Variants in SCMH1 observed in about 807,000 individuals in gnomAD.
SCMH1 encodes Scm polycomb group protein homolog 1.
Under a neutral mutation model 70.8 loss-of-function variants are expected in SCMH1, and 37 were observed. That is an observed-to-expected ratio of 0.52 (90% CI 0.40 to 0.69). SCMH1 has a LOEUF of 0.69. Ranked by LOEUF, SCMH1 falls within the 30% of genes least tolerant of loss-of-function variation. SCMH1 has a pLI of 0.00. For synonymous variants in SCMH1, 292 were observed against 307.4 expected (o/e 0.95, Z 0.52); for missense variants, 607 against 827.3 (o/e 0.73, Z 3.27).
chr1:41,131,939 A>G (rs1226525284), intron 6 of SCMH1, among the ~76,000 whole-genome samples: 1 of 152,042 alleles, frequency 6.6e-6, no homozygotes, highest in African/African-American at 2.4e-5. Context: ...TTCTTTATCC[A>G]GTCTATTATT....
chr1:41,204,582 C>G (rs1655074662), intron 1 of SCMH1, among the ~76,000 whole-genome samples: 1 of 152,192 alleles, frequency 6.6e-6, no homozygotes, highest in Non-Finnish European at 1.5e-5. Context: ...GGCCTTTACA[C>G]TCCCTGGAAT....
At chr1:41,206,562 T>G (rs1175684477) in intron 1 of SCMH1, among the ~76,000 whole-genome samples, 1 of 151,802 alleles carries the variant, frequency 6.6e-6, no homozygotes, top group East Asian at 1.9e-4. Context: ...GAATCTGCAT[T>G]TGACTGGTGT....
chr1:41,040,130 G>A (rs1248922662), intron 12 of SCMH1, among the ~76,000 whole-genome samples: 1 of 152,016 alleles, frequency 6.6e-6, no homozygotes, highest in Non-Finnish European at 1.5e-5. Context: ...ACTTCCTAGG[G>A]TCAATGTAAA....
chr1:41,183,088 G>A (rs1242748406), intron 2 of SCMH1, among the ~76,000 whole-genome samples: 2 of 152,118 alleles, frequency 1.3e-5, no homozygotes, highest in Admixed American at 1.3e-4. Flanking sequence ...CCCTATTCCA[G>A]TTAACATAAC....
At chr1:41,068,762 C>G (rs1219321791) in intron 10 of SCMH1, among the ~76,000 whole-genome samples, 1 of 151,950 alleles carries the variant, frequency 6.6e-6, no homozygotes, top group Non-Finnish European at 1.5e-5. Context: ...AAAATATATC[C>G]AAAGTGAAAT....
intron 11 of SCMH1, among the ~76,000 whole-genome samples, chr1:41,047,717 A>G (rs752329038): frequency 6.6e-6 from 1 of 152,104 alleles, no homozygotes; most frequent in Non-Finnish European, 1.5e-5. Flanking sequence ...CTAGTCTTCT[A>G]TAAAAATTCC....
At chr1:41,128,864 G>T (rs1172781818) in intron 6 of SCMH1, among the ~76,000 whole-genome samples, 2 of 151,904 alleles carry the variant, frequency 1.3e-5, no homozygotes, top group Non-Finnish European at 2.9e-5. Flanking sequence ...GTTTCATTTG[G>T]ATAGTTTATA....
intron 8 of SCMH1, among the ~76,000 whole-genome samples, chr1:41,085,972 T>C (rs969243135): frequency 4.7e-4 from 71 of 151,440 alleles, no homozygotes; most frequent in African/African-American, 1.5e-3. Context: ...TCCTGAGTAG[T>C]TGGGATTACA....
At chr1:41,184,891 G>C (rs1217339582) in intron 2 of SCMH1, among the ~76,000 whole-genome samples, 1 of 152,140 alleles carries the variant, frequency 6.6e-6, no homozygotes. Flanking sequence ...AGATATTATA[G>C]TAGCAACTAT....
intron 10 of SCMH1, among the ~76,000 whole-genome samples, chr1:41,060,419 T>A (rs1374423497): frequency 1.3e-5 from 2 of 148,618 alleles, no homozygotes; most frequent in Non-Finnish European, 3.0e-5. Flanking sequence ...CCCACCGACC[T>A]AAAGTTCTGT....
In SCMH1 at chr1:41,217,715, C is replaced by T. The variant is rs929050416; in HGVS notation, c.-118+24344G>A. The stretch of plus-strand genomic sequence containing the variant: ...GACAGAGATGGAATGATATGCAGGA[C>T]GACTGGCTCTGAGGGCAAAGCCACA... On this transcript the variant is annotated intron_variant, in intron 1 of 14. Transcript: ENST00000337495. 2.3e-4 allele frequency among the ~76,000 whole-genome samples: 35 copies of T among 152,280 alleles called. 1 individual carries two copies. The highest frequency in any genetic ancestry group is 5.9e-5 in the Non-Finnish European group (4 of 68,018).
chr1:41,087,964 G>GTGTGTGTGTATT, intron 8 of SCMH1, among the ~76,000 whole-genome samples: 1 of 151,182 alleles, frequency 6.6e-6, no homozygotes, highest in South Asian at 2.1e-4. Flanking sequence ...GTGTGTGTGT[G>GTGTGTGTGTATT]TATTTATTTA....
chr1:41,213,627 C>T (rs1225003179), intron 1 of SCMH1, among the ~76,000 whole-genome samples: 1 of 152,124 alleles, frequency 6.6e-6, no homozygotes, highest in African/African-American at 2.4e-5. Context: ...CCATTTATTA[C>T]CATTAGATCA....
At chr1:41,213,433 T>C (rs960770592) in intron 1 of SCMH1, among the ~76,000 whole-genome samples, 1 of 152,134 alleles carries the variant, frequency 6.6e-6, no homozygotes, top group Non-Finnish European at 1.5e-5. Flanking sequence ...AGCAGGAAGG[T>C]AACCTTCACC....
intron 1 of SCMH1, among the ~76,000 whole-genome samples, chr1:41,196,311 G>A (rs6600368): frequency 1 from 152,138 of 152,274 alleles, 76,002 homozygotes; most frequent in Middle Eastern, 1. Flanking sequence ...TCTAATTCCA[G>A]AATGTACTAC....
intron 8 of SCMH1, among the ~76,000 whole-genome samples, chr1:41,111,226 C>T (rs888848947): frequency 3.9e-5 from 6 of 152,300 alleles, no homozygotes; most frequent in Admixed American, 6.5e-5. Flanking sequence ...ACTTCCCTGG[C>T]TTAGTACCTT....
intron 6 of SCMH1, among the ~76,000 whole-genome samples, chr1:41,137,092 T>A (rs999563460): frequency 7.2e-5 from 11 of 152,194 alleles, no homozygotes; most frequent in African/African-American, 2.7e-4. Flanking sequence ...GGACCAGTAC[T>A]TTGAATTAAC....
intron 8 of SCMH1, among the ~76,000 whole-genome samples, chr1:41,089,785 C>CTTTTTTT (rs1558778255): frequency 2.7e-5 from 1 of 37,320 alleles, no homozygotes; most frequent in African/African-American, 1.8e-4. Flanking sequence ...ACCATGTTGT[C>CTTTTTTT]TCTTTTTTTT....
intron 6 of SCMH1, among the ~76,000 whole-genome samples, chr1:41,125,345 A>G (rs1426306728): frequency 1.3e-5 from 2 of 151,750 alleles, no homozygotes; most frequent in African/African-American, 4.8e-5. Context: ...CCTCCTGAGT[A>G]GCCGGCACTA....
Sources: allele counts gnomAD v4.1 joint callset (sites outside exome capture counted in the v4.1 genomes callset), GRCh38; gene constraint gnomAD v4.1.1; transcripts MANE v1.5; gene names NCBI Gene and HGNC (gene_info 2026-07-23, HGNC 2026-07-21).